The following CERT1 variants were observed in gnomAD, a reference collection of about 807,000 sequenced individuals.
The protein encoded by CERT1 is ceramide transporter 1, also known as ceramide transfer protein.
A neutral mutation model predicts 87.9 loss-of-function variants in CERT1; 31 were observed. The ratio of observed to expected loss-of-function variants is 0.35; its 90% CI spans 0.27 to 0.48. CERT1 has a LOEUF of 0.48. Among genes scored for constraint, CERT1 ranks in the 20% least tolerant of loss-of-function variants. The probability of loss-of-function intolerance (pLI) is 0.99; values close to 1 mark genes in which losing one functional copy is unlikely to be tolerated. For synonymous variants in CERT1, 289 were observed against 250.9 expected, an observed-to-expected ratio of 1.15 and a Z score of -1.44; for missense variants, 487 against 758.0, an observed-to-expected ratio of 0.64 and a Z score of 4.20.
At chr5:75,410,144 A>C (rs1762870311) in intron 8 of CERT1, among the ~76,000 whole-genome samples, 1 of 152,066 alleles carries the variant, frequency 6.6e-6, no homozygotes, top group South Asian at 2.1e-4. Flanking sequence ...TATTTCTTAC[A>C]CATTTTTTTC....
intron 2 of CERT1, among the ~76,000 whole-genome samples, chr5:75,490,023 A>G (rs975551434): frequency 1.3e-5 from 2 of 152,254 alleles, no homozygotes; most frequent in Non-Finnish European, 2.9e-5. Context: ...GCCATAAAAA[A>G]GAATGAGTTC....
intron 8 of CERT1, among the ~76,000 whole-genome samples, chr5:75,406,409 T>C (rs1475057799): frequency 2.6e-5 from 4 of 152,266 alleles, no homozygotes; most frequent in East Asian, 3.8e-4. Flanking sequence ...TTTCATGACA[T>C]ACATTATGAT....
chr5:75,508,396 C>A (rs984614059), intron 1 of CERT1, among the ~76,000 whole-genome samples: 1 of 152,214 alleles, frequency 6.6e-6, no homozygotes, highest in African/African-American at 2.4e-5. Flanking sequence ...TAGAATAGAA[C>A]TCTTTCAATG....
chr5:75,468,629 T>G (rs544245033), intron 2 of CERT1, among the ~76,000 whole-genome samples: 1 of 152,118 alleles, frequency 6.6e-6, no homozygotes, highest in South Asian at 2.1e-4. Context: ...CAGTAACAGG[T>G]AGGCCTCATG....
At chr5:75,479,458 C>A (rs1766125599) in intron 2 of CERT1, among the ~76,000 whole-genome samples, 2 of 152,062 alleles carry the variant, frequency 1.3e-5, no homozygotes, top group Admixed American at 1.3e-4. Context: ...CACCCTCTAC[C>A]CTCAAGTAGA....
intron 3 of CERT1, among the ~76,000 whole-genome samples, chr5:75,452,687 C>G (rs1017953222): frequency 2.0e-5 from 3 of 152,126 alleles, no homozygotes; most frequent in African/African-American, 7.2e-5. Context: ...CAACAGGCAC[C>G]TCTTTACTAG....
At chr5:75,434,701 C>T (rs952789180) in intron 3 of CERT1, among the ~76,000 whole-genome samples, 2 of 151,200 alleles carry the variant, frequency 1.3e-5, no homozygotes, top group African/African-American at 4.9e-5. Context: ...TTCAGGATTT[C>T]ATTTACTTCC....
chr5:75,419,979 C>CTT (rs1273635169), intron 5 of CERT1, among the ~76,000 whole-genome samples: 8 of 141,958 alleles, frequency 5.6e-5, no homozygotes, highest in Admixed American at 1.4e-4. Flanking sequence ...AAGAGTTGTT[C>CTT]TTTTTTTTTT....
chr5:75,374,080 A>C (rs1328842557), downstream of CERT1: 5 of 398,570 alleles, frequency 1.3e-5, no homozygotes, highest in Non-Finnish European at 2.2e-5. Context: ...CACAAGGCCA[A>C]GGTCTTGGGC....
chr5:75,445,687 T>A (rs866220073), intron 3 of CERT1, among the ~76,000 whole-genome samples: 26 of 152,060 alleles, frequency 1.7e-4, no homozygotes, highest in African/African-American at 6.0e-4. Context: ...TGAGATGAGG[T>A]CTTGCGATGT....
intron 2 of CERT1, among the ~76,000 whole-genome samples, chr5:75,495,456 G>A (rs769598243): frequency 2.0e-5 from 3 of 152,062 alleles, no homozygotes; most frequent in African/African-American, 4.8e-5. Context: ...TACTCGGGGG[G>A]CTGAGGCAGA....
chr5:75,464,496 C>A (rs1369166731), intron 2 of CERT1, among the ~76,000 whole-genome samples: 1 of 152,166 alleles, frequency 6.6e-6, no homozygotes, highest in Non-Finnish European at 1.5e-5. Context: ...ATATTTAAGG[C>A]CTCTTTCCCC....
intron 3 of CERT1, among the ~76,000 whole-genome samples, chr5:75,429,840 A>C (rs1292065452): frequency 7.7e-6 from 1 of 130,436 alleles, no homozygotes; most frequent in African/African-American, 3.3e-5. Flanking sequence ...TATAAGAAAA[A>C]ATGAAAAAAA....
At chr5:75,425,890 T>C (rs190475203) in intron 4 of CERT1, among the ~76,000 whole-genome samples, 2 of 152,354 alleles carry the variant, frequency 1.3e-5, no homozygotes, top group East Asian at 3.9e-4. Flanking sequence ...TTCAAAGTAA[T>C]GGTGAGCTGT....
At chr5:75,405,905 C>T (rs968629601) in intron 8 of CERT1, among the ~76,000 whole-genome samples, 1 of 150,324 alleles carries the variant, frequency 6.7e-6, no homozygotes, top group African/African-American at 2.5e-5. Context: ...TGTATCCCCC[C>T]CAACCACTGA....
intron 9 of CERT1, chr5:75,401,129 G>C (rs186149501): frequency 2.0e-5 from 3 of 152,124 alleles, no homozygotes; most frequent in African/African-American, 4.8e-5. Context: ...TTACCACACT[G>C]TATCTCTGTC....
chr5:75,393,905 CA>C (rs889125070), intron 11 of CERT1, among the ~76,000 whole-genome samples: 1 of 151,814 alleles, frequency 6.6e-6, no homozygotes, highest in African/African-American at 2.4e-5. Context: ...GCGGAGGGTG[CA>C]GTGAGCCGAG....
At chr5:75,451,469 T>C (rs1037148569) in intron 3 of CERT1, among the ~76,000 whole-genome samples, 2 of 152,208 alleles carry the variant, frequency 1.3e-5, no homozygotes, top group Non-Finnish European at 2.9e-5. Flanking sequence ...CATCATCATA[T>C]GATGCAAATA....
chr5:75,492,765 C>T (rs776327509), intron 2 of CERT1, among the ~76,000 whole-genome samples: 5 of 152,154 alleles, frequency 3.3e-5, no homozygotes, highest in South Asian at 2.1e-4. Flanking sequence ...CAACTATCAA[C>T]GTCCAGAGAG....
Sources: gnomAD v4.1 joint callset for allele counts (sites outside exome capture counted in the v4.1 genomes callset) on GRCh38, gnomAD v4.1.1 for gene constraint, MANE v1.5 for transcripts, NCBI Gene and HGNC (gene_info 2026-07-23, HGNC 2026-07-21) for gene names.